RADIL: variants seen among roughly 807,000 people sequenced by gnomAD.
RADIL encodes the protein ras-associating and dilute domain-containing protein.
In RADIL, 99 loss-of-function variants were observed where a neutral mutation model predicts 97.6. That is an observed-to-expected ratio of 1.01 (90% CI 0.86 to 1.20). The LOEUF (loss-of-function observed/expected upper bound fraction) is 1.20, where lower values mean the gene tolerates loss of function less well. Among genes scored for constraint, RADIL ranks in the 50% most tolerant of loss-of-function variants. The probability of loss-of-function intolerance (pLI) is 0.00; values close to 1 mark genes in which losing one functional copy is unlikely to be tolerated. For synonymous variants in RADIL, 803 were observed against 691.8 expected (o/e 1.16, Z -2.52); for missense variants, 1,765 against 1,498.9 (o/e 1.18, Z -2.93).
chr7:4,860,712 T>C (rs1386931434), intron 2 of RADIL: 2 of 1,614,062 alleles, frequency 1.2e-6, no homozygotes, highest in Admixed American at 1.7e-5. Flanking sequence ...TGAAAGAAGC[T>C]TGGAGCTTCA....
Position 4,801,661 on chromosome 7 carries a change from G to A in RADIL, c.2834C>T (p.Ala945Val), listed in dbSNP as rs767624957. The A allele has an allele frequency of 5.6e-6, 9 of 1,597,416 alleles. No individual in the cohort carries two copies. Among genetic ancestry groups the A allele is most frequent in the South Asian group, 3.4e-5 (3 of 88,814 alleles). ...RNGLSGLRGA[A>V]PEGDSAALAE... is the part of the protein sequence containing the mutation. ...CACCAGGCAGGGCTCACCTTCCGGA[G>A]CTGCACCCCGGAGGCCGCTGAGTCC... The change falls in exon 12 of 15, where the codon GCT becomes GTT. Residue 945 changes from alanine (A) to valine (V), a missense_variant. By Grantham distance (64) the Ala-to-Val change is moderately conservative (BLOSUM62 0). Transcript: ENST00000399583.
intron 12 of RADIL, among the ~76,000 whole-genome samples, 191 bp from the exon 13 acceptor site, chr7:4,800,501 AC>A (rs1782046617): frequency 6.6e-6 from 1 of 152,042 alleles, no homozygotes; most frequent in South Asian, 2.1e-4. Context: ...CCCATGGGCG[AC>A]ACCCCCATGT....
intron 2 of RADIL, among the ~76,000 whole-genome samples, chr7:4,875,193 AACAAC>A (rs1562460601): frequency 0.015 from 198 of 13,486 alleles, 2 homozygotes; most frequent in Non-Finnish European, 0.032. Context: ...CTCCATCTCC[AACAAC>A]AACAACAACA....
Position 4,867,815 on chromosome 7 carries a change from T to C in RADIL, c.535+9790A>G, listed in dbSNP as rs1784162900. Among the ~76,000 whole-genome samples the C allele has an allele frequency of 6.6e-6, 1 of 152,120 alleles. No individual in the cohort carries two copies. The highest frequency in any genetic ancestry group is 2.4e-5 in the African/African-American group (1 of 41,416). ...TATTCATTAATACACTAGAGTGGGT[T>C]CCCAAGGACAATGACAATGAAAAAA... On this transcript the variant is annotated intron_variant, in intron 2 of 14. Coordinates refer to ENST00000399583, the MANE Select transcript of RADIL (RefSeq NM_018059.5). This position sits in a 1 kb window ranked among gnomAD's most constrained non-coding sequence, Gnocchi z 4.1.
At chr7:4,882,026 G>T (rs1436594784) in intron 1 of RADIL, 1 of 152,072 alleles carries the variant, frequency 6.6e-6, no homozygotes, top group African/African-American at 2.4e-5. Context: ...CATGAAACAG[G>T]AGAAAATGTA....
At chr7:4,858,487 T>C (rs1783890391) in intron 2 of RADIL, 1 of 152,618 alleles carries the variant, frequency 6.6e-6, no homozygotes, top group Non-Finnish European at 1.5e-5. Context: ...AGATGTCAAG[T>C]GCTTGCTAGA....
intron 9 of RADIL, among the ~76,000 whole-genome samples, chr7:4,808,429 T>G (rs1486673264): frequency 1.3e-5 from 2 of 152,212 alleles, no homozygotes; most frequent in Non-Finnish European, 2.9e-5. Context: ...AGCTTCTCCT[T>G]GAATTGTCTG....
rs773896756 is a variant in RADIL, at chr7:4,801,891, A to G, written c.2604T>C (p.Thr868=). 1 of 1,584,612 alleles carries G rather than the reference A, an allele frequency of 6.3e-7. No homozygotes were observed. The highest frequency in any genetic ancestry group is 8.6e-7 in the Non-Finnish European group (1 of 1,165,520). ...CCCAGGGAGCCCCCCTCAAGGGAAG[A>G]GTACGCTCCGGGGCCACTTCCCGGG... The part of the protein sequence containing the change: ...PAAREVAPER[T]LPLRGAPWAQ... Residue 868 remains threonine, a synonymous_variant, in exon 12 of 15, where the codon ACT becomes ACC. Transcript: ENST00000399583.
rs1045006422 is a variant in RADIL, at chr7:4,879,010, G to A, written c.-64-807C>T. The stretch of plus-strand genomic sequence containing the variant: ...CAGACATTCCAGACACAAACCCCCA[G>A]AATCTACCCCTCAGGGCAAGAGACC... On this transcript the variant is annotated intron_variant, in intron 1 of 14. Coordinates refer to ENST00000399583, the MANE Select transcript of RADIL (RefSeq NM_018059.5). The surrounding 1 kb of genome is among the most constrained non-coding windows in gnomAD (Gnocchi z 4.1). Among the ~76,000 whole-genome samples the A allele has an allele frequency of 6.6e-6, 1 of 152,198 alleles. No homozygotes were observed. Among genetic ancestry groups the A allele is most frequent in the Non-Finnish European group, 1.5e-5 (1 of 68,040 alleles).
intron 5 of RADIL, among the ~76,000 whole-genome samples, chr7:4,826,633 T>G (rs1159159499): frequency 6.6e-6 from 1 of 151,104 alleles, no homozygotes; most frequent in Non-Finnish European, 1.5e-5. Context: ...CTCTGGAGGC[T>G]GAGGCATGAG....
At chr7:4,800,097 G>A (rs1782029703) in intron 13 of RADIL, 74 bp downstream of exon 13, 3 of 1,523,736 alleles carry the variant, frequency 2.0e-6, no homozygotes, top group South Asian at 1.3e-5. Flanking sequence ...CACGCAAGCT[G>A]CGGCCAGGCT....
chr7:4,805,691 G>A lies in RADIL; in HGVS notation c.2165C>T (p.Ala722Val), dbSNP rs548044215. Reference sequence around the variant, plus strand: ...CTGTGCTGGGCTCAGTGCGGGGAACGCAGCCCGCAGGGCTGTCCAGCTCAT... The same window carrying A: ...CTGTGCTGGGCTCAGTGCGGGGAACACAGCCCGCAGGGCTGTCCAGCTCAT... ...IQMSWTALRA[A>V]FPALSPAQLH... Residue 722 changes from alanine to valine, a missense_variant, in exon 10 of 15, where the codon GCG becomes GTG. By Grantham distance (64) the Ala-to-Val change is moderately conservative (BLOSUM62 0). Transcript: ENST00000399583. The A allele has an allele frequency of 2.4e-5, 39 of 1,611,016 alleles. No homozygotes were observed. Among genetic ancestry groups the A allele is most frequent in the Admixed American group, 1.7e-4 (10 of 60,008 alleles).
chr7:4,855,386 C>A (rs1783801390), intron 2 of RADIL, among the ~76,000 whole-genome samples: 1 of 151,962 alleles, frequency 6.6e-6, no homozygotes. Flanking sequence ...ACCCCAAAGA[C>A]TAAGGGGATC....
At position 4,801,636 on chromosome 7, in the gene RADIL, C is replaced by G. The variant is rs1259688898; in HGVS notation, c.2842+17G>C. 1 of 1,579,082 alleles carries G rather than the reference C, an allele frequency of 6.3e-7. No individual in the cohort carries two copies. The highest frequency in any genetic ancestry group is 1.1e-5 in the South Asian group (1 of 87,020). The stretch of plus-strand genomic sequence containing the variant: ...GGTCTGGGGTGGGTTCCCGCCTGAG[C>G]ACCAGGCAGGGCTCACCTTCCGGAG... On this transcript the variant is annotated intron_variant, in intron 12 of 14. Transcript: ENST00000399583.
chr7:4,847,356 A>G (rs1255032614), intron 2 of RADIL, among the ~76,000 whole-genome samples: 1 of 152,168 alleles, frequency 6.6e-6, no homozygotes, highest in Non-Finnish European at 1.5e-5. Flanking sequence ...AACAATATCA[A>G]GAGTGCAGAA....
chr7:4,835,655 G>C lies in RADIL; in HGVS notation c.784-416C>G, dbSNP rs1354873867. Among the ~76,000 whole-genome samples, 1 of 152,110 alleles carries C rather than the reference G, an allele frequency of 6.6e-6. No homozygotes were observed. The highest frequency in any genetic ancestry group is 1.5e-5 in the Non-Finnish European group (1 of 67,954). On this transcript the variant is annotated intron_variant, in intron 3 of 14. Coordinates refer to ENST00000399583, the MANE Select transcript of RADIL (RefSeq NM_018059.5). This position sits in a 1 kb window ranked among gnomAD's most constrained non-coding sequence, Gnocchi z 5.8. The stretch of plus-strand genomic sequence containing the variant: ...AGTGTGGGAGCACTGCCGCCTGTGT[G>C]AGAGCACTGCCCCGAGGGAAGATGC...
At position 4,854,371 on chromosome 7, in the gene RADIL, G is replaced by A. The variant is rs1647540079; in HGVS notation, c.536-17766C>T. Among the ~76,000 whole-genome samples the A allele has an allele frequency of 6.6e-6, 1 of 152,198 alleles. No homozygotes were observed. Among genetic ancestry groups the A allele is most frequent in the East Asian group, 1.9e-4 (1 of 5,192 alleles). On this transcript the variant is annotated intron_variant, in intron 2 of 14. Coordinates refer to ENST00000399583, the MANE Select transcript of RADIL (RefSeq NM_018059.5). The surrounding 1 kb of genome is among the most constrained non-coding windows in gnomAD (Gnocchi z 5.1). ...TGCTTTTGTTTCTGGGGAGGGTGGT[G>A]TTTGGTTTTTGTCATTGTTGATAAA...
chr7:4,804,987 G>C (rs1339499117), intron 10 of RADIL, among the ~76,000 whole-genome samples: 1 of 152,088 alleles, frequency 6.6e-6, no homozygotes, highest in Non-Finnish European at 1.5e-5. Context: ...CCAGCTACTA[G>C]GGAGGCTGAG....
At chr7:4,806,058 G>A (rs934725341) in intron 9 of RADIL, 20 of 985,314 alleles carry the variant, frequency 2.0e-5, no homozygotes, top group East Asian at 1.1e-4. Flanking sequence ...TGCCTCCAAC[G>A]GTGTGAAAGA....
Sources: allele counts gnomAD v4.1 joint callset (sites outside exome capture counted in the v4.1 genomes callset), GRCh38; gene constraint gnomAD v4.1.1; non-coding constraint Gnocchi (gnomAD v3.1); transcripts MANE v1.5; gene names NCBI Gene and HGNC (gene_info 2026-07-23, HGNC 2026-07-21).